LARGE2: variants seen among roughly 807,000 people sequenced by gnomAD.
LARGE2 encodes the protein LARGE xylosyl- and glucuronyltransferase 2, also known as xylosyl- and glucuronyltransferase LARGE2.
In LARGE2, 63 loss-of-function variants were observed where a neutral mutation model predicts 75.3. That is an observed-to-expected ratio of 0.84 (90% CI 0.68 to 1.03). LARGE2 has a LOEUF of 1.03. Ranked by LOEUF, LARGE2 falls within the 50% of genes least tolerant of loss-of-function variation. LARGE2 has a pLI of 0.00. For missense variants in LARGE2, 925 were observed against 980.6 expected, an observed-to-expected ratio of 0.94 and a Z score of 0.76; for synonymous variants, 428 against 420.1, an observed-to-expected ratio of 1.02 and a Z score of -0.23.
At chr11:45,924,451 CT>C (rs1565090717) in intron 4 of LARGE2, 54 bp from the exon 5 acceptor site, 1 of 1,591,524 alleles carries the variant, frequency 6.3e-7, no homozygotes. Context: ...AGCATGTGTT[CT>C]GGTGCTCATA....
rs144939669 is a variant in LARGE2 at position 45,928,653 on chromosome 11, C to A, written c.1974C>A (p.Pro658=). 1.2e-6 allele frequency: 2 copies of A among 1,614,134 alleles called. No individual in the cohort carries two copies. The highest frequency in any genetic ancestry group is 2.2e-5 in the South Asian group (2 of 91,082). ...DAQEYELLVL[P]EAFTIHLPHA... Reference sequence around the variant, plus strand: ...AGGAATATGAGCTCCTGGTGCTGCCCGAGGCCTTCACCATCCATCTGCCCC... The same window carrying A: ...AGGAATATGAGCTCCTGGTGCTGCCAGAGGCCTTCACCATCCATCTGCCCC... The change falls in exon 14 of 14, where the codon CCC becomes CCA. Residue 658 remains proline (P), a synonymous_variant. Transcript: ENST00000401752.
Position 45,926,614 on chromosome 11 carries a change from T to C in LARGE2, c.1164+17T>C. The stretch of plus-strand genomic sequence containing the variant: ...GCTGAGCAGGTGAGAAGGAGTCACC[T>C]TCCCCTGCCCCTCTCTGCTTTGGTG... On this transcript the variant is annotated intron_variant, in intron 9 of 13. Transcript: ENST00000401752. The C allele has an allele frequency of 6.2e-7, 1 of 1,613,890 alleles. No homozygotes were observed. The highest frequency in any genetic ancestry group is 2.2e-5 in the East Asian group (1 of 44,872).
At chr11:45,924,072 ATCTCTGCG>A (rs937038338) in intron 3 of LARGE2, 74 bp from the exon 4 acceptor site, 2 of 1,483,702 alleles carry the variant, frequency 1.3e-6, no homozygotes, top group Admixed American at 2.0e-5. Context: ...TGGCGCTTCC[ATCTCTGCG>A]CCCCTCGGGG....
Position 45,922,989 on chromosome 11 carries a change from G to T in LARGE2, c.107G>T (p.Arg36Leu). The T allele has an allele frequency of 7.4e-7, 1 of 1,342,996 alleles. No homozygotes were observed. The allele number at this position is 1,342,996 out of a possible 1,614,324, so 83.2% of individuals were successfully genotyped here. Residue 36 changes from arginine to leucine, a missense_variant, in exon 2 of 14, where the codon CGC (arginine) becomes CTC (leucine). By Grantham distance (102) the Arg-to-Leu change is moderately radical (BLOSUM62 -2). Coordinates refer to ENST00000401752, the MANE Select transcript of LARGE2 (RefSeq NM_001300721.2). The part of the protein sequence containing the change: ...LFGGDLGCER[R>L]EPGGRAGAPG... ...GGTGGGGACCTGGGGTGTGAGCGCCGCGAGCCTGGCGGGCGAGCGGGGGCC... is the reference window on the plus strand; with the variant it reads ...GGTGGGGACCTGGGGTGTGAGCGCCTCGAGCCTGGCGGGCGAGCGGGGGCC...
In LARGE2 at chr11:45,927,965, A is replaced by T; in HGVS notation, c.1650A>T (p.Ala550=). The change falls in exon 12 of 14, where the codon GCA becomes GCT. Residue 550 remains alanine, a synonymous_variant. Coordinates refer to ENST00000401752, the MANE Select transcript of LARGE2 (RefSeq NM_001300721.2). ...QLGLGSRRKA[A]LVVPAFETLR... ...GGCTGGGCAGCCGGCGCAAGGCAGC[A>T]CTGGTGGTGCCGGCATTCGAGACCC... The T allele has an allele frequency of 1.2e-6, 2 of 1,613,738 alleles. No individual in the cohort carries two copies. The highest frequency in any genetic ancestry group is 1.7e-6 in the Non-Finnish European group (2 of 1,180,026).
In LARGE2 at chr11:45,924,829, C is replaced by A; in HGVS notation, c.709C>A (p.Leu237Met). Residue 237 changes from leucine to methionine, a missense_variant, in exon 6 of 14, where the codon CTG becomes ATG. Transcript: ENST00000401752. ...GLVENQSDWYLGNLWKNHRPW... is the reference protein window; with the variant it reads ...GLVENQSDWYMGNLWKNHRPW... ...TGTGGAGAACCAGAGTGACTGGTAC[C>A]TGGGCAACCTCTGGAAGAACCACAG... 6.6e-7 allele frequency: 1 copy of A among 1,513,070 alleles called. No individual in the cohort carries two copies. Among genetic ancestry groups the A allele is most frequent in the Non-Finnish European group, 8.8e-7 (1 of 1,130,094 alleles). 93.7% of individuals were successfully genotyped at this position (1,513,070 alleles called of 1,614,324 possible). A position where few individuals can be genotyped will look rare whatever the true frequency, so the allele number is the denominator to read the frequency against.
At chr11:45,923,325 C>T (rs1219705392) in intron 2 of LARGE2, 148 bp from the exon 3 acceptor site, 16 of 1,073,928 alleles carry the variant, frequency 1.5e-5, no homozygotes, top group Non-Finnish European at 2.0e-5. Flanking sequence ...CTCCCGACCT[C>T]ATTTCCCCAT....
intron 10 of LARGE2, 47 bp downstream of exon 10, chr11:45,926,918 TG>T: frequency 6.5e-7 from 1 of 1,550,070 alleles, no homozygotes; most frequent in Admixed American, 1.8e-5. Context: ...GGGCTGGGGT[TG>T]GACACTTCTG....
rs1273110757 is a variant in LARGE2, at chr11:45,923,008, G to A, written c.126G>A (p.Ala42=). ...AGCGCCGCGAGCCTGGCGGGCGAGCGGGGGCCCCGGGATGCTTCCCCGGCC... is the reference window on the plus strand; with the variant it reads ...AGCGCCGCGAGCCTGGCGGGCGAGCAGGGGCCCCGGGATGCTTCCCCGGCC... ...GCERREPGGR[A]GAPGCFPGPL... The change falls in exon 2 of 14, where the codon GCG becomes GCA. Residue 42 remains alanine, a synonymous_variant. Coordinates refer to ENST00000401752, the MANE Select transcript of LARGE2 (RefSeq NM_001300721.2). The A allele has an allele frequency of 5.2e-6, 7 of 1,353,896 alleles. No homozygotes were observed. Among genetic ancestry groups the A allele is most frequent in the Non-Finnish European group, 6.6e-6 (7 of 1,057,562 alleles). 83.9% of individuals were successfully genotyped at this position (1,353,896 alleles called of 1,614,324 possible). A position where few individuals can be genotyped will look rare whatever the true frequency, so the allele number is the denominator to read the frequency against.
chr11:45,928,866 T>A lies in LARGE2; in HGVS notation c.*21T>A. ...GCTGAGGCTGGGCCGGCGCTGCCCC[T>A]CATCTTAGCATTGGGCAGACACCAG... On this transcript the variant is annotated 3_prime_UTR_variant, in exon 14 of 14. Transcript: ENST00000401752. 1 of 1,611,998 alleles carries A rather than the reference T, an allele frequency of 6.2e-7. No individual in the cohort carries two copies. The highest frequency in any genetic ancestry group is 1.1e-5 in the South Asian group (1 of 90,960).
Position 45,927,471 on chromosome 11 carries a change from T to A in LARGE2, c.1482T>A (p.Arg494=). Residue 494 remains arginine (R), a synonymous_variant, in exon 11 of 14, where the codon CGT becomes CGA. Coordinates refer to ENST00000401752, the MANE Select transcript of LARGE2 (RefSeq NM_001300721.2). ...ACGTGGCCTACCATGTGGTGTACCG[T>A]GAGGGGCCCCTATACCCCGTCAACC... ...RQDVAYHVVY[R]EGPLYPVNQL... is the part of the protein sequence containing the mutation. The A allele has an allele frequency of 6.2e-7, 1 of 1,614,210 alleles. No individual in the cohort carries two copies.
At chr11:45,927,639 G>T in intron 11 of LARGE2, 46 bp downstream of exon 11, 1 of 1,597,486 alleles carries the variant, frequency 6.3e-7, no homozygotes, top group South Asian at 1.1e-5. Flanking sequence ...GGTGGACGTG[G>T]ACGGGGCATG....
chr11:45,926,068 C>T lies in LARGE2; in HGVS notation c.799C>T (p.Arg267Trp), dbSNP rs763385204. 60 of 1,558,976 alleles carry T rather than the reference C, an allele frequency of 3.8e-5. No individual in the cohort carries two copies. The highest frequency in any genetic ancestry group is 1.7e-4 in the Middle Eastern group (1 of 5,992). The change falls in exon 7 of 14, where the codon CGG (arginine) becomes TGG (tryptophan). Residue 267 changes from arginine (R) to tryptophan (W), a missense_variant. Coordinates refer to ENST00000401752, the MANE Select transcript of LARGE2 (RefSeq NM_001300721.2). ...GATCCTGCTGCGGCTGGACCGGCTC[C>T]GGCAGGCTGGCTGGGAGCAGATGTG... ...GVILLRLDRLRQAGWEQMWRL... is the reference protein window; with the variant it reads ...GVILLRLDRLWQAGWEQMWRL...
rs1294230134 is a variant in LARGE2, at chr11:45,926,336, T to A, written c.997T>A (p.Ser333Thr). 4 of 1,614,054 alleles carry A rather than the reference T, an allele frequency of 2.5e-6. No individual in the cohort carries two copies. In the Admixed American group the frequency reaches 6.7e-5, roughly 27 times the overall value. Reference protein sequence around the residue: ...TLAERCYSEASDLKVIHWNSP... With the variant: ...TLAERCYSEATDLKVIHWNSP... ...GGCCGAGCGCTGCTACTCTGAGGCG[T>A]CTGACCTCAAGGTGAGTGGGACAAG... The change falls in exon 8 of 14, where the codon TCT (serine) becomes ACT (threonine). Residue 333 changes from serine (S) to threonine (T), a missense_variant. Around this residue, in one of 3 missense-constraint regions of LARGE2, gnomAD observed 453 missense variants for 460.2 expected, o/e 0.98. Coordinates refer to ENST00000401752, the MANE Select transcript of LARGE2 (RefSeq NM_001300721.2).
rs759575160 is a variant in LARGE2, at chr11:45,927,699, C to G, written c.1604+106C>G. The G allele has an allele frequency of 6.0e-5, 91 of 1,520,202 alleles. No individual in the cohort carries two copies. In the African/African-American group the frequency reaches 1.0e-3, roughly 18 times the overall value. 94.2% of individuals were successfully genotyped at this position (1,520,202 alleles called of 1,614,324 possible). On this transcript the variant is annotated intron_variant, in intron 11 of 13. Transcript: ENST00000401752. Reference sequence around the variant, plus strand: ...CCTGCTCCTTTCTGGGCCTCAGTGGCCTCTGTCAATTGGGGTTTGTATTAG... The same window carrying G: ...CCTGCTCCTTTCTGGGCCTCAGTGGGCTCTGTCAATTGGGGTTTGTATTAG...
In LARGE2 at chr11:45,928,838, G is replaced by C; in HGVS notation, c.2159G>C (p.Arg720Pro). The C allele has an allele frequency of 1.2e-6, 2 of 1,613,098 alleles. No individual in the cohort carries two copies. The highest frequency in any genetic ancestry group is 1.1e-5 in the South Asian group (1 of 91,078). Residue 720 changes from arginine to proline, a missense_variant, in exon 14 of 14, where the codon CGA becomes CCA. By Grantham distance (103) the Arg-to-Pro change is moderately radical. Coordinates refer to ENST00000401752, the MANE Select transcript of LARGE2 (RefSeq NM_001300721.2). ...CTGCAGCAGCCCCAGAGCCCTGCCC[G>C]AGGCTGAGGCTGGGCCGGCGCTGCC... Reference protein sequence around the residue: ...PALQQPQSPARG With the variant: ...PALQQPQSPAPG
At chr11:45,927,834 T>A in intron 11 of LARGE2, 86 bp from the exon 12 acceptor site, 2 of 1,588,200 alleles carry the variant, frequency 1.3e-6, no homozygotes, top group Non-Finnish European at 1.7e-6. Context: ...GGTGGTCTAG[T>A]CCTGTGGCTA....
intron 6 of LARGE2, among the ~76,000 whole-genome samples, chr11:45,925,543 C>G (rs2087108614): frequency 6.6e-6 from 1 of 152,104 alleles, no homozygotes; most frequent in African/African-American, 2.4e-5. Context: ...GTAATCCCAG[C>G]TACTTGGGAG....
chr11:45,928,049 G>C lies in LARGE2; in HGVS notation c.1734G>C (p.Ala578=), dbSNP rs749915132. The part of the protein sequence containing the change: ...SKVELLALLD[A]GTLYTFRYHE... Reference sequence around the variant, plus strand: ...TGGAGCTGTTGGCCTTGCTGGATGCGGGCACTCTCTACACCTTCAGGTAGG... The same window carrying C: ...TGGAGCTGTTGGCCTTGCTGGATGCCGGCACTCTCTACACCTTCAGGTAGG... Residue 578 remains alanine, a synonymous_variant, in exon 12 of 14, where the codon GCG becomes GCC. Coordinates refer to ENST00000401752, the MANE Select transcript of LARGE2 (RefSeq NM_001300721.2). The C allele has an allele frequency of 1.9e-6, 3 of 1,613,814 alleles. No homozygotes were observed. Among genetic ancestry groups the C allele is most frequent in the South Asian group, 2.2e-5 (2 of 91,076 alleles).
Sources: gnomAD v4.1 joint callset for allele counts (sites outside exome capture counted in the v4.1 genomes callset) on GRCh38, gnomAD v4.1.1 for gene constraint, gnomAD v4.1.1 regional missense constraint, MANE v1.5 for transcripts, NCBI Gene and HGNC (gene_info 2026-07-23, HGNC 2026-07-21) for gene names.